Variants in MCCC1 observed in about 807,000 individuals in gnomAD.
MCCC1 encodes methylcrotonoyl-CoA carboxylase subunit alpha, mitochondrial.
A neutral mutation model predicts 83.8 loss-of-function variants in MCCC1; 64 were observed. That is an observed-to-expected ratio of 0.76 (90% CI 0.62 to 0.94). The LOEUF is 0.94. MCCC1 is among the 40% of genes least tolerant of loss of function. The pLI is 0.00. For missense variants in MCCC1, 807 were observed against 904.7 expected (o/e 0.89, Z 1.39); for synonymous variants, 322 against 315.4 (o/e 1.02, Z -0.22).
At chr3:183,035,305 T>G (rs181129095) in intron 13 of MCCC1, among the ~76,000 whole-genome samples, 3 of 152,272 alleles carry the variant, frequency 2.0e-5, no homozygotes, top group Admixed American at 6.5e-5. Flanking sequence ...AAGGATAAAA[T>G]GAGGATAGAG....
At chr3:183,088,705 A>T (rs950904806) in intron 3 of MCCC1, among the ~76,000 whole-genome samples, 25 of 152,206 alleles carry the variant, frequency 1.6e-4, no homozygotes, top group African/African-American at 6.0e-4. Flanking sequence ...ATATAAACAC[A>T]TGCAGTTTTA....
intron 8 of MCCC1, among the ~76,000 whole-genome samples, chr3:183,053,720 G>T (rs1164979266): frequency 1.2e-4 from 18 of 148,882 alleles, no homozygotes; most frequent in Non-Finnish European, 1.9e-4. Context: ...CAGGAGAATG[G>T]CGTGAACCCA....
intron 3 of MCCC1, among the ~76,000 whole-genome samples, chr3:183,088,831 C>T (rs1221798356): frequency 1.3e-5 from 2 of 152,288 alleles, no homozygotes; most frequent in African/African-American, 4.8e-5. Flanking sequence ...GTCTATACCT[C>T]ATTTTGTATA....
chr3:183,016,513 G>A (rs1279774267), intron 18 of MCCC1, among the ~76,000 whole-genome samples: 2 of 152,210 alleles, frequency 1.3e-5, no homozygotes, highest in East Asian at 1.9e-4. Flanking sequence ...TTACAGGCAT[G>A]AGCCACTGCG....
intron 3 of MCCC1, among the ~76,000 whole-genome samples, chr3:183,088,318 T>C (rs565236107): frequency 3.2e-4 from 48 of 151,800 alleles, no homozygotes; most frequent in African/African-American, 1.0e-3. Flanking sequence ...GCGATTCTCC[T>C]GCCTCAGCCT....
upstream of MCCC1, among the ~76,000 whole-genome samples, chr3:183,100,191 AAAAC>A (rs1719074865): frequency 6.6e-6 from 1 of 152,256 alleles, no homozygotes; most frequent in African/African-American, 2.4e-5. Flanking sequence ...CATGATTTAA[AAAAC>A]AAGCAGGGGA....
chr3:183,102,769 T>TA (rs1719336685), upstream of MCCC1, among the ~76,000 whole-genome samples: 1 of 80,078 alleles, frequency 1.2e-5, no homozygotes, highest in Non-Finnish European at 2.2e-5. Context: ...TTTTTTTTTT[T>TA]TTTTTTTTTT....
chr3:183,084,055 G>A (rs544829950), intron 4 of MCCC1, among the ~76,000 whole-genome samples: 4 of 152,344 alleles, frequency 2.6e-5, no homozygotes, highest in African/African-American at 7.2e-5. Flanking sequence ...GTGGGTTTAG[G>A]GTAGGACTTA....
At chr3:183,043,132 A>G (rs1714247752) in intron 10 of MCCC1, among the ~76,000 whole-genome samples, 2 of 152,206 alleles carry the variant, frequency 1.3e-5, no homozygotes, top group Non-Finnish European at 1.5e-5. Context: ...TCTACTAAAA[A>G]CACAAAAATT....
chr3:183,114,979 G>A (rs1047692100), intron 1 of MCCC1, among the ~76,000 whole-genome samples: 4 of 152,000 alleles, frequency 2.6e-5, no homozygotes, highest in African/African-American at 7.3e-5. Context: ...ACAGTCTCCC[G>A]GCTCGTGGTG....
intron 11 of MCCC1, among the ~76,000 whole-genome samples, chr3:183,039,527 A>G (rs1283721579): frequency 6.6e-6 from 1 of 152,144 alleles, no homozygotes; most frequent in Non-Finnish European, 1.5e-5. Context: ...CGTACTAGTC[A>G]AGCAAGTTTA....
At chr3:183,054,612 G>A (rs1715274371) in intron 8 of MCCC1, among the ~76,000 whole-genome samples, 1 of 151,978 alleles carries the variant, frequency 6.6e-6, no homozygotes, top group African/African-American at 2.4e-5. Context: ...GCAAGCTAAG[G>A]CTAATTTATT....
chr3:183,019,377 C>G (rs995539787), intron 17 of MCCC1, among the ~76,000 whole-genome samples: 4 of 152,020 alleles, frequency 2.6e-5, no homozygotes, highest in Admixed American at 6.5e-5. Flanking sequence ...GGAGGTGGGG[C>G]CTTTAGCAGG....
At chr3:183,093,979 G>A (rs981963532) in intron 2 of MCCC1, among the ~76,000 whole-genome samples, 1 of 151,808 alleles carries the variant, frequency 6.6e-6, no homozygotes, top group Non-Finnish European at 1.5e-5. Flanking sequence ...GGGTCAAATG[G>A]ACAGAAAGAA....
intron 7 of MCCC1, among the ~76,000 whole-genome samples, chr3:183,069,930 G>T (rs995658982): frequency 2.6e-5 from 4 of 152,184 alleles, no homozygotes; most frequent in African/African-American, 9.7e-5. Context: ...ATGAACTCTG[G>T]AGTCAAAGTG....
intron 13 of MCCC1, among the ~76,000 whole-genome samples, chr3:183,034,596 G>T (rs1713403631): frequency 6.6e-6 from 1 of 151,798 alleles, no homozygotes; most frequent in African/African-American, 2.4e-5. Flanking sequence ...TTCTATTGAA[G>T]AATCTGAATA....
chr3:183,089,945 C>A (rs1718194421), intron 3 of MCCC1, among the ~76,000 whole-genome samples: 1 of 152,058 alleles, frequency 6.6e-6, no homozygotes, highest in Non-Finnish European at 1.5e-5. Context: ...GTTGAATGGG[C>A]AGTTGGATAT....
chr3:183,109,053 G>A (rs1047658960), intron 1 of MCCC1, among the ~76,000 whole-genome samples: 91 of 152,202 alleles, frequency 6.0e-4, no homozygotes, highest in African/African-American at 1.8e-3. Flanking sequence ...GTGCAGTGGC[G>A]CGATCTCGGC....
intron 15 of MCCC1, among the ~76,000 whole-genome samples, chr3:183,023,539 C>T (rs1712332345): frequency 6.6e-6 from 1 of 152,126 alleles, no homozygotes; most frequent in Non-Finnish European, 1.5e-5. Flanking sequence ...TCTACTTTAC[C>T]AGCTAACAGG....
Sources: gnomAD v4.1 joint callset for allele counts (sites outside exome capture counted in the v4.1 genomes callset) on GRCh38, gnomAD v4.1.1 for gene constraint, MANE v1.5 for transcripts, NCBI Gene and HGNC (gene_info 2026-07-23, HGNC 2026-07-21) for gene names.